FAT3: variants seen among roughly 807,000 people sequenced by gnomAD.
FAT3 encodes FAT atypical cadherin 3, also known as protocadherin Fat 3.
FAT3 carries 95 observed loss-of-function variants against 310.2 expected under a neutral mutation model. The ratio of observed to expected loss-of-function variants is 0.31; its 90% CI spans 0.26 to 0.36. The LOEUF (loss-of-function observed/expected upper bound fraction) is 0.36, where lower values mean the gene tolerates loss of function less well. Ranked by LOEUF, FAT3 falls within the 10% of genes least tolerant of loss-of-function variation. FAT3 has a pLI of 1.00. For synonymous variants in FAT3, 2,314 were observed against 2,192.9 expected (o/e 1.06, Z -1.54); for missense variants, 5,408 against 5,715.6 (o/e 0.95, Z 1.74).
intron 1 of FAT3, among the ~76,000 whole-genome samples, chr11:92,246,639 T>C (rs1864922506): frequency 6.6e-6 from 1 of 151,930 alleles, no homozygotes; most frequent in African/African-American, 2.4e-5. Flanking sequence ...GTGGAAAAGG[T>C]AGAGATTCTA....
intron 4 of FAT3, among the ~76,000 whole-genome samples, chr11:92,716,398 T>G (rs1440834401): frequency 6.6e-6 from 1 of 152,036 alleles, no homozygotes; most frequent in Non-Finnish European, 1.5e-5. Context: ...TCATTCGCCA[T>G]CAGTATATGA....
chr11:92,480,451 G>C (rs145400281), intron 2 of FAT3, among the ~76,000 whole-genome samples: 4 of 152,096 alleles, frequency 2.6e-5, no homozygotes, highest in Non-Finnish European at 5.9e-5. Flanking sequence ...TGGCATCAAG[G>C]TTCTCCCAGT....
rs1555095779 is a variant in FAT3 at position 92,598,231 on chromosome 11, T to TATATATATA, written c.3607+73283_3607+73284insATATATATA. ...ATATGTATACATATATATATATATA[T>TATATATATA]TTTTTTTTTTTTTGAGACAAAGTCT... On this transcript the variant is annotated intron_variant, in intron 3 of 27. Transcript: ENST00000525166. 7.0e-5 allele frequency among the ~76,000 whole-genome samples: 5 copies of TATATATATA among 71,150 alleles called. No individual in the cohort carries two copies. The East Asian group carries it at 8.2e-4, about 12-fold the overall frequency. 46.7% of individuals were successfully genotyped at this position (71,150 alleles called of 152,430 possible).
chr11:92,830,151 C>T (rs989424209), intron 13 of FAT3, among the ~76,000 whole-genome samples: 1 of 152,152 alleles, frequency 6.6e-6, no homozygotes, highest in Non-Finnish European at 1.5e-5. Flanking sequence ...GGTGCTTTTT[C>T]AGCCCACAAA....
intron 2 of FAT3, among the ~76,000 whole-genome samples, chr11:92,374,830 C>T (rs1431337728): frequency 3.6e-5 from 5 of 137,712 alleles, no homozygotes; most frequent in Non-Finnish European, 7.6e-5. Flanking sequence ...TTTCTGAATA[C>T]TGTCTTACAG....
intron 3 of FAT3, among the ~76,000 whole-genome samples, chr11:92,607,793 A>T (rs1156276848): frequency 6.6e-6 from 1 of 152,160 alleles, no homozygotes; most frequent in Admixed American, 6.6e-5. Context: ...ATTTACCTTT[A>T]AAACGGAAAA....
In FAT3 at chr11:92,800,641, G is replaced by T. The variant is rs1234031232; in HGVS notation, c.7628G>T (p.Arg2543Leu). 1 of 1,613,700 alleles carries T rather than the reference G, an allele frequency of 6.2e-7. No individual in the cohort carries two copies. Among genetic ancestry groups the T allele is most frequent in the Non-Finnish European group, 8.5e-7 (1 of 1,179,802 alleles). ...YAIINDFAKD[R>L]FLIDSNGQVI... ...ATCATCAATGACTTTGCCAAGGATC[G>T]ATTCCTCATAGACAGCAATGGGCAG... The change falls in exon 10 of 28, where the codon CGA becomes CTA. Residue 2543 changes from arginine to leucine, a missense_variant. Arg to Leu is a moderately radical substitution (Grantham distance 102). This residue lies in a region of FAT3 where 4,588 missense variants were observed against 4,809.8 expected (regional missense o/e 0.95). Coordinates refer to ENST00000525166, the MANE Select transcript of FAT3 (RefSeq NM_001367949.2).
intron 2 of FAT3, among the ~76,000 whole-genome samples, chr11:92,442,081 T>TATATATA (rs1555047741): frequency 2.9e-5 from 2 of 69,992 alleles, no homozygotes; most frequent in African/African-American, 1.6e-4. Flanking sequence ...AATATATATT[T>TATATATA]TATATATATA....
intron 1 of FAT3, among the ~76,000 whole-genome samples, chr11:92,273,148 C>A (rs1946173745): frequency 6.6e-6 from 1 of 152,082 alleles, no homozygotes; most frequent in South Asian, 2.1e-4. Flanking sequence ...AATTATGAGT[C>A]TGATCCACCA....
rs532024678 is a variant in FAT3, at chr11:92,654,133, G to T, written c.3608-43251G>T. Among the ~76,000 whole-genome samples the T allele has an allele frequency of 1.7e-4, 26 of 152,308 alleles. No homozygotes were observed. In the East Asian group the frequency reaches 5.0e-3, roughly 29 times the overall value. The stretch of plus-strand genomic sequence containing the variant: ...GACTTTAGCTATATTGTACCCCGCT[G>T]CAGCATTCAGGAGATAAACTGATGA... On this transcript the variant is annotated intron_variant, in intron 3 of 27. Coordinates refer to ENST00000525166, the MANE Select transcript of FAT3 (RefSeq NM_001367949.2).
intron 1 of FAT3, among the ~76,000 whole-genome samples, chr11:92,266,008 T>G (rs1945935222): frequency 6.6e-6 from 1 of 152,126 alleles, no homozygotes; most frequent in Non-Finnish European, 1.5e-5. Flanking sequence ...TTTCTTGATG[T>G]TTTTTGAACT....
In FAT3 at chr11:92,586,051, A is replaced by T. The variant is rs552921422; in HGVS notation, c.3607+61103A>T. On this transcript the variant is annotated intron_variant, in intron 3 of 27. Coordinates refer to ENST00000525166, the MANE Select transcript of FAT3 (RefSeq NM_001367949.2). ...TGGTCATGTCAGGAGATGACTGATG[A>T]TATACTGAATAGTGGAAATGTTTTT... Among the ~76,000 whole-genome samples, 35 of 152,116 alleles carry T rather than the reference A, an allele frequency of 2.3e-4. No individual in the cohort carries two copies. The East Asian group carries it at 6.0e-3, about 26-fold the overall frequency.
intron 3 of FAT3, among the ~76,000 whole-genome samples, chr11:92,558,677 G>A (rs112780114): frequency 2.0e-5 from 3 of 152,070 alleles, no homozygotes; most frequent in African/African-American, 4.8e-5. Context: ...TTTGTGTAGT[G>A]TTTTTATATT....
intron 19 of FAT3, among the ~76,000 whole-genome samples, chr11:92,846,768 C>G (rs1236185548): frequency 6.6e-6 from 1 of 152,300 alleles, no homozygotes; most frequent in Admixed American, 6.5e-5. Context: ...CAAGAGGAGG[C>G]CTTCTGGGTT....
intron 3 of FAT3, among the ~76,000 whole-genome samples, chr11:92,539,514 G>A (rs1485845896): frequency 3.9e-5 from 6 of 152,004 alleles, no homozygotes; most frequent in South Asian, 2.1e-4. Flanking sequence ...AAGCCTTTAC[G>A]GATTTGGGAT....
intron 7 of FAT3, among the ~76,000 whole-genome samples, chr11:92,778,185 A>C (rs1946643713): frequency 6.6e-6 from 1 of 152,094 alleles, no homozygotes; most frequent in African/African-American, 2.4e-5. Context: ...GGTTTTTCCC[A>C]GTTCCTCATG....
intron 3 of FAT3, among the ~76,000 whole-genome samples, chr11:92,618,481 C>T (rs917813934): frequency 1.3e-5 from 2 of 152,194 alleles, no homozygotes; most frequent in African/African-American, 2.4e-5. Context: ...GGGCTGCACC[C>T]ACTGTCCGAC....
chr11:92,251,281 G>A lies in FAT3; in HGVS notation c.-18+26107G>A, dbSNP rs144428003. On this transcript the variant is annotated intron_variant, in intron 1 of 27. Transcript: ENST00000525166. ...GAACCTAAGGGAGGTTACCTCACTT[G>A]TTGGTGGGCTCACACAAGTGATAGA... Among the ~76,000 whole-genome samples, 272 of 152,278 alleles carry A rather than the reference G, an allele frequency of 1.8e-3. 1 individual carries two copies. The highest frequency in any genetic ancestry group is 1.9e-3 in the Non-Finnish European group (128 of 68,018).
At chr11:92,845,453 C>T (rs1256820888) in intron 19 of FAT3, among the ~76,000 whole-genome samples, 1 of 152,102 alleles carries the variant, frequency 6.6e-6, no homozygotes, top group Non-Finnish European at 1.5e-5. Flanking sequence ...AAACAGAGGC[C>T]AGATGTCCAG....
Sources: allele counts gnomAD v4.1 joint callset (sites outside exome capture counted in the v4.1 genomes callset), GRCh38; gene constraint gnomAD v4.1.1; regional missense constraint gnomAD v4.1.1; transcripts MANE v1.5; gene names NCBI Gene and HGNC (gene_info 2026-07-23, HGNC 2026-07-21).